MACROD2: variants seen among roughly 807,000 people sequenced by gnomAD.
The protein encoded by MACROD2 is mono-ADP ribosylhydrolase 2.
In MACROD2, 36 loss-of-function variants were observed where a neutral mutation model predicts 70.4. The ratio of observed to expected loss-of-function variants is 0.51; its 90% CI spans 0.39 to 0.68. The LOEUF (loss-of-function observed/expected upper bound fraction) is 0.68, where lower values mean the gene tolerates loss of function less well. Among genes scored for constraint, MACROD2 ranks in the 30% least tolerant of loss-of-function variants. The pLI, the probability that MACROD2 is intolerant of heterozygous loss-of-function variation, is 0.00. For missense variants in MACROD2, 496 were observed against 538.4 expected, an observed-to-expected ratio of 0.92 and a Z score of 0.78; for synonymous variants, 172 against 178.8, an observed-to-expected ratio of 0.96 and a Z score of 0.30.
At chr20:15,871,598 G>C (rs1405646332) in intron 9 of MACROD2, among the ~76,000 whole-genome samples, 1 of 152,214 alleles carries the variant, frequency 6.6e-6, no homozygotes, top group Non-Finnish European at 1.5e-5. Flanking sequence ...CAGGAATTCA[G>C]AGGCAAATGT....
intron 6 of MACROD2, among the ~76,000 whole-genome samples, chr20:15,302,919 T>C (rs1413078160): frequency 3.9e-5 from 6 of 152,344 alleles, no homozygotes; most frequent in Middle Eastern, 3.4e-3. Context: ...CTGCTACTTA[T>C]ATCCTTATTC....
At chr20:14,653,660 A>G (rs189216874) in intron 4 of MACROD2, among the ~76,000 whole-genome samples, 60 of 152,102 alleles carry the variant, frequency 3.9e-4, no homozygotes, top group Admixed American at 3.5e-3. Flanking sequence ...CTTGCCTACT[A>G]TAAACCTTAA....
At chr20:14,784,834 C>T (rs904574043) in intron 5 of MACROD2, among the ~76,000 whole-genome samples, 2 of 151,910 alleles carry the variant, frequency 1.3e-5, no homozygotes, top group Non-Finnish European at 2.9e-5. Flanking sequence ...GATGTAACAG[C>T]CTCTCTTAGT....
At chr20:14,118,890 G>T (rs1344774358) in intron 3 of MACROD2, among the ~76,000 whole-genome samples, 6 of 141,674 alleles carry the variant, frequency 4.2e-5, no homozygotes, top group Non-Finnish European at 7.5e-5. Context: ...CTCTTACCCA[G>T]ATTGGAGTGC....
intron 8 of MACROD2, among the ~76,000 whole-genome samples, chr20:15,664,565 T>C (rs2049871226): frequency 6.6e-6 from 1 of 152,192 alleles, no homozygotes; most frequent in East Asian, 1.9e-4. Context: ...GCTGACCTAG[T>C]CTGGCCTTGC....
chr20:14,865,203 C>G (rs1330923309), intron 5 of MACROD2, among the ~76,000 whole-genome samples: 4 of 152,040 alleles, frequency 2.6e-5, no homozygotes, highest in Admixed American at 2.0e-4. Flanking sequence ...AAAGGAGAAG[C>G]CAGGGAATTT....
At chr20:15,649,572 C>T (rs1272573590) in intron 8 of MACROD2, among the ~76,000 whole-genome samples, 1 of 152,150 alleles carries the variant, frequency 6.6e-6, no homozygotes, top group East Asian at 1.9e-4. Flanking sequence ...AAGTCCTAAG[C>T]TTTGCCTTAC....
At chr20:14,374,059 T>G (rs1386615024) in intron 3 of MACROD2, among the ~76,000 whole-genome samples, 1 of 152,164 alleles carries the variant, frequency 6.6e-6, no homozygotes, top group Non-Finnish European at 1.5e-5. Flanking sequence ...TACTTGCGAT[T>G]GTGTAGACCC....
intron 3 of MACROD2, among the ~76,000 whole-genome samples, chr20:14,270,990 A>G (rs1447976689): frequency 6.6e-6 from 1 of 152,206 alleles, no homozygotes; most frequent in African/African-American, 2.4e-5. Flanking sequence ...GCAGCCAGGA[A>G]GTTCTAACTG....
chr20:15,677,721 G>T (rs867791372), intron 8 of MACROD2, among the ~76,000 whole-genome samples: 1 of 151,604 alleles, frequency 6.6e-6, no homozygotes, highest in Middle Eastern at 3.4e-3. Flanking sequence ...ATCCTTAGGA[G>T]AAGGATCAGA....
intron 3 of MACROD2, among the ~76,000 whole-genome samples, chr20:14,134,376 C>T (rs1463899863): frequency 6.6e-6 from 1 of 152,170 alleles, no homozygotes; most frequent in Non-Finnish European, 1.5e-5. Context: ...GTTATGATTC[C>T]CCTAACCACT....
chr20:15,152,596 G>A (rs1040179572), intron 5 of MACROD2, among the ~76,000 whole-genome samples: 1 of 151,098 alleles, frequency 6.6e-6, no homozygotes, highest in Non-Finnish European at 1.5e-5. Context: ...AGGTGAAGGG[G>A]TTGAGGGGTT....
chr20:14,314,723 G>A (rs1249814098), intron 3 of MACROD2, among the ~76,000 whole-genome samples: 1 of 151,978 alleles, frequency 6.6e-6, no homozygotes, highest in Non-Finnish European at 1.5e-5. Flanking sequence ...TCACGCCATT[G>A]CACTCCTGCC....
At chr20:15,865,831 G>T (rs898595948) in intron 9 of MACROD2, among the ~76,000 whole-genome samples, 5 of 152,184 alleles carry the variant, frequency 3.3e-5, no homozygotes, top group Non-Finnish European at 7.3e-5. Context: ...CAAGCACCTG[G>T]GGGCTGTCTT....
In MACROD2 at chr20:14,711,215, G is replaced by A. The variant is rs181543391; in HGVS notation, c.418+26256G>A. Among the ~76,000 whole-genome samples, 137 of 152,220 alleles carry A rather than the reference G, an allele frequency of 9.0e-4. 1 individual carries two copies. The highest frequency in any genetic ancestry group is 6.8e-3 in the Middle Eastern group (2 of 294). On this transcript the variant is annotated intron_variant, in intron 5 of 17. Transcript: ENST00000684519. ...TTGTTCAACACAGATAGCCATCTTT[G>A]ATTTATTGGAACCTCTTGCTAGAGC...
At chr20:16,002,321 A>T (rs972419671) in intron 15 of MACROD2, among the ~76,000 whole-genome samples, 1 of 152,190 alleles carries the variant, frequency 6.6e-6, no homozygotes, top group African/African-American at 2.4e-5. Context: ...AGGTGTCCTC[A>T]TCCTAATCCC....
At chr20:15,839,709 TA>T (rs533985572) in intron 8 of MACROD2, among the ~76,000 whole-genome samples, 172 of 152,208 alleles carry the variant, frequency 1.1e-3, no homozygotes, top group African/African-American at 3.9e-3. Context: ...AAATCCCAGA[TA>T]TTTGAGGGGC....
chr20:15,796,089 G>A (rs188744231), intron 8 of MACROD2, among the ~76,000 whole-genome samples: 1 of 152,274 alleles, frequency 6.6e-6, no homozygotes, highest in East Asian at 1.9e-4. Flanking sequence ...CACCTCTGGA[G>A]ACTGAAAGGG....
intron 8 of MACROD2, among the ~76,000 whole-genome samples, chr20:15,823,099 G>T (rs906042346): frequency 6.6e-6 from 1 of 152,114 alleles, no homozygotes; most frequent in African/African-American, 2.4e-5. Flanking sequence ...ATAAATGTTT[G>T]CTTGGGCATT....
Sources: gnomAD v4.1 joint callset for allele counts (sites outside exome capture counted in the v4.1 genomes callset) on GRCh38, gnomAD v4.1.1 for gene constraint, MANE v1.5 for transcripts, NCBI Gene and HGNC (gene_info 2026-07-23, HGNC 2026-07-21) for gene names.